Variants in PDE7B observed in about 807,000 individuals in gnomAD.
PDE7B encodes the protein 3',5'-cyclic-AMP phosphodiesterase 7B.
A neutral mutation model predicts 56.2 loss-of-function variants in PDE7B; 29 were observed. The observed-to-expected ratio is 0.52, with a 90% CI of 0.38 to 0.70. The LOEUF (loss-of-function observed/expected upper bound fraction) is 0.70. PDE7B is among the 30% of genes least tolerant of loss of function. The pLI, the probability that PDE7B is intolerant of heterozygous loss-of-function variation, is 0.00. For missense variants in PDE7B, 490 were observed against 565.0 expected (o/e 0.87, Z 1.35); for synonymous variants, 197 against 196.9 (o/e 1.00, Z 0.00).
chr6:135,870,728 T>C (rs1018695557), intron 1 of PDE7B, among the ~76,000 whole-genome samples: 1 of 151,660 alleles, frequency 6.6e-6, no homozygotes. Context: ...GAAACAGAGA[T>C]GAAAAGTCTG....
intron 1 of PDE7B, among the ~76,000 whole-genome samples, chr6:135,934,754 ATT>A (rs1249866082): frequency 8.7e-6 from 1 of 115,110 alleles, no homozygotes; most frequent in African/African-American, 3.4e-5. Flanking sequence ...ATATATATAT[ATT>A]TTTTAAATAT....
chr6:136,191,746 A>C lies in PDE7B; in HGVS notation c.1259A>C (p.Gln420Pro), dbSNP rs1779228817. 6.2e-7 allele frequency: 1 copy of C among 1,604,032 alleles called. No individual in the cohort carries two copies. Among genetic ancestry groups the C allele is most frequent in the African/African-American group, 1.3e-5 (1 of 74,606 alleles). Residue 420 changes from glutamine to proline, a missense_variant, in exon 13 of 13, where the codon CAG (glutamine) becomes CCG (proline). Physicochemically the swap from Gln to Pro is moderately conservative, Grantham distance 76 (BLOSUM62 -1). Transcript: ENST00000308191. ...CAGTGGAAGAGCCTGTTGCCCAGGC[A>C]GCACAGAAGCAGGGGCAGCAGTGGC... is the stretch of plus-strand genomic sequence containing the variant. ...KAQWKSLLPR[Q>P]HRSRGSSGSG...
chr6:136,008,539 G>T (rs2128206887), intron 2 of PDE7B, among the ~76,000 whole-genome samples: 1 of 152,350 alleles, frequency 6.6e-6, no homozygotes, highest in South Asian at 2.1e-4. Flanking sequence ...ACTAGTGTGA[G>T]ATGGTATCTC....
At chr6:135,948,477 C>T (rs1044811569) in intron 2 of PDE7B, among the ~76,000 whole-genome samples, 3 of 151,894 alleles carry the variant, frequency 2.0e-5, no homozygotes, top group Non-Finnish European at 4.4e-5. Flanking sequence ...GAAAAGCAGA[C>T]AGCAAGTTAA....
intron 2 of PDE7B, among the ~76,000 whole-genome samples, chr6:136,029,218 T>C (rs1399558228): frequency 1.1e-4 from 16 of 152,202 alleles, no homozygotes; most frequent in Admixed American, 1.0e-3. Context: ...AACTGAAGTT[T>C]TCAATGATTA....
intron 2 of PDE7B, among the ~76,000 whole-genome samples, chr6:136,049,889 C>T (rs1201079912): frequency 6.6e-6 from 1 of 152,028 alleles, no homozygotes; most frequent in Non-Finnish European, 1.5e-5. Flanking sequence ...GGTACTTTCA[C>T]TTGAATTTTT....
chr6:136,057,715 C>G (rs1776762396), intron 2 of PDE7B, among the ~76,000 whole-genome samples: 1 of 152,096 alleles, frequency 6.6e-6, no homozygotes, highest in South Asian at 2.1e-4. Context: ...TTCTAGATCA[C>G]CATTTTGTTG....
At chr6:136,168,882 T>A (rs1399743807) in intron 8 of PDE7B, among the ~76,000 whole-genome samples, 6 of 152,232 alleles carry the variant, frequency 3.9e-5, no homozygotes, top group Non-Finnish European at 5.9e-5. Flanking sequence ...AACCTTAGTT[T>A]TTTTTGAGCA....
chr6:135,881,986 G>A (rs949717510), intron 1 of PDE7B, among the ~76,000 whole-genome samples: 4 of 152,164 alleles, frequency 2.6e-5, no homozygotes, highest in Non-Finnish European at 5.9e-5. Flanking sequence ...CTGGGTTGAG[G>A]TGTAGTCTTT....
intron 2 of PDE7B, among the ~76,000 whole-genome samples, chr6:136,100,472 T>C (rs1168181783): frequency 1.3e-5 from 2 of 152,234 alleles, no homozygotes; most frequent in Non-Finnish European, 2.9e-5. Context: ...GTAATTCTCC[T>C]TGAAGAGGTC....
intron 2 of PDE7B, chr6:136,034,276 T>C (rs796565325): frequency 1.1e-4 from 16 of 152,352 alleles, no homozygotes; most frequent in African/African-American, 3.8e-4. Flanking sequence ...GATTTTTACA[T>C]AGCCCTCAGA....
rs1017994150 is a variant in PDE7B at position 136,194,332 on chromosome 6, AG to A, written c.*2493del. 6.6e-6 allele frequency: 1 copy of A among 152,136 alleles called. No homozygotes were observed. 9.4% of individuals were successfully genotyped at this position (152,136 alleles called of 1,614,324 possible). ...GTATTCTTAGTAGTTCTGAGTTGAT[AG>A]TTTACATTACAATTAGGTCTTGAAG... On this transcript the variant is annotated 3_prime_UTR_variant, in exon 13 of 13. Coordinates refer to ENST00000308191, the MANE Select transcript of PDE7B (RefSeq NM_018945.4).
chr6:135,928,437 A>ATATATATATATTTATT (rs1285152882), intron 1 of PDE7B, among the ~76,000 whole-genome samples: 117 of 112,732 alleles, frequency 1.0e-3, no homozygotes, highest in Admixed American at 2.4e-3. Flanking sequence ...GATTATATAT[A>ATATATATATATTTATT]TATATATATA....
chr6:136,155,597 A>G lies in PDE7B; in HGVS notation c.580-30A>G, dbSNP rs757786173. 2.5e-6 allele frequency: 4 copies of G among 1,582,650 alleles called. No individual in the cohort carries two copies. In the African/African-American group the frequency reaches 5.4e-5, roughly 21 times the overall value. The stretch of plus-strand genomic sequence containing the variant: ...ATGAGCCTATTTGTGAAAATACACC[A>G]ATCAATCTCCCAATTTGTTTTTTTA... On this transcript the variant is annotated intron_variant, in intron 7 of 12. Coordinates refer to ENST00000308191, the MANE Select transcript of PDE7B (RefSeq NM_018945.4).
At chr6:135,870,007 A>G (rs971372078) in intron 1 of PDE7B, among the ~76,000 whole-genome samples, 6 of 152,164 alleles carry the variant, frequency 3.9e-5, no homozygotes, top group African/African-American at 1.4e-4. Flanking sequence ...CACTGAAACC[A>G]TGTAGACAGG....
Position 136,191,900 on chromosome 6 carries a change from C to G in PDE7B, c.*60C>G, listed in dbSNP as rs201953674. 1.6e-6 allele frequency: 2 copies of G among 1,286,212 alleles called. No homozygotes were observed. Among genetic ancestry groups the G allele is most frequent in the South Asian group, 1.3e-5 (1 of 77,290 alleles). The allele number at this position is 1,286,212 out of a possible 1,614,324, so 79.7% of individuals were successfully genotyped here. ...CAGGGCCCCCAGAGGGCAGAAGCAG[C>G]GTGGAGGGGCCCTCACGCAGCAGCC... is the stretch of plus-strand genomic sequence containing the variant. On this transcript the variant is annotated 3_prime_UTR_variant, in exon 13 of 13. Coordinates refer to ENST00000308191, the MANE Select transcript of PDE7B (RefSeq NM_018945.4).
At chr6:136,085,417 C>T (rs1777275914) in intron 2 of PDE7B, among the ~76,000 whole-genome samples, 1 of 152,150 alleles carries the variant, frequency 6.6e-6, no homozygotes, top group Non-Finnish European at 1.5e-5. Context: ...TGCCAAAGTG[C>T]TGTCCTGGTA....
chr6:135,885,078 A>G (rs1386866084), intron 1 of PDE7B, among the ~76,000 whole-genome samples: 3 of 152,138 alleles, frequency 2.0e-5, no homozygotes, highest in African/African-American at 7.2e-5. Flanking sequence ...GCCCTGATCC[A>G]ACCCTCCACT....
chr6:136,087,032 G>A (rs1030618621), intron 2 of PDE7B, among the ~76,000 whole-genome samples: 10 of 152,160 alleles, frequency 6.6e-5, no homozygotes, highest in Non-Finnish European at 2.9e-5. Context: ...TCTATCTGCC[G>A]TTACTTGTAT....
Sources: gnomAD v4.1 joint callset for allele counts (sites outside exome capture counted in the v4.1 genomes callset) on GRCh38, gnomAD v4.1.1 for gene constraint, MANE v1.5 for transcripts, NCBI Gene and HGNC (gene_info 2026-07-23, HGNC 2026-07-21) for gene names.